HM13: variants seen among roughly 807,000 people sequenced by gnomAD.
HM13 encodes the protein signal peptide peptidase.
A neutral mutation model predicts 50.0 loss-of-function variants in HM13; 18 were observed. The observed-to-expected ratio is 0.36, with a 90% CI of 0.25 to 0.53. The LOEUF (loss-of-function observed/expected upper bound fraction) is 0.53. Among genes scored for constraint, HM13 ranks in the 20% least tolerant of loss-of-function variants. The pLI is 0.90. For missense variants in HM13, 393 were observed against 552.4 expected (o/e 0.71, Z 2.89); for synonymous variants, 197 against 232.6 (o/e 0.85, Z 1.39).
rs199737959 is a variant in HM13 at position 31,565,178 on chromosome 20, AAAAG to A, written c.949-1024_949-1021del. Among the ~76,000 whole-genome samples, 667 of 151,166 alleles carry A rather than the reference AAAAG, an allele frequency of 4.4e-3. 7 individuals are homozygous for A. Among genetic ancestry groups the A allele is most frequent in the African/African-American group, 0.015 (610 of 41,058 alleles). On this transcript the variant is annotated intron_variant, in intron 10 of 12. Transcript: ENST00000398174. The stretch of plus-strand genomic sequence containing the variant: ...CAGACTCCATCTCAAAAAAAAAAAA[AAAAG>A]AAAGAAACTCTTTGGGCTGGGCGTG...
chr20:31,549,140 G>A, intron 5 of HM13, 26 bp downstream of exon 5: 2 of 1,613,932 alleles, frequency 1.2e-6, no homozygotes, highest in Non-Finnish European at 1.7e-6. Flanking sequence ...CTGGGCAGAA[G>A]GGGAGGATGG....
At chr20:31,533,086 CCT>C (rs1982908432) in intron 2 of HM13, among the ~76,000 whole-genome samples, 1 of 152,226 alleles carries the variant, frequency 6.6e-6, no homozygotes, top group Admixed American at 6.5e-5. Flanking sequence ...TGGCCTCCCC[CCT>C]GACATCTGGC....
chr20:31,538,522 C>T (rs1192607648), intron 3 of HM13: 1 of 1,395,104 alleles, frequency 7.2e-7, no homozygotes. Flanking sequence ...GATTTGTGAG[C>T]AGTAATGTCA....
In HM13 at chr20:31,549,347, G is replaced by A. The variant is rs368228901; in HGVS notation, c.666+15G>A. ...ATGTCTTCTGGGTGAGTCAGGCAGG[G>A]ATGCCAAGGATGTCTGGCTCCGGGG... On this transcript the variant is annotated intron_variant, in intron 6 of 12. Coordinates refer to ENST00000398174, the MANE Select transcript of HM13 (RefSeq NM_178581.3). The A allele has an allele frequency of 1.1e-4, 183 of 1,614,014 alleles. No homozygotes were observed. Among genetic ancestry groups the A allele is most frequent in the Middle Eastern group, 9.9e-4 (6 of 6,062 alleles).
chr20:31,538,512 G>C, intron 3 of HM13: 1 of 1,401,402 alleles, frequency 7.1e-7, no homozygotes, highest in Non-Finnish European at 9.3e-7. Context: ...TTGGGAAAGT[G>C]ATTTGTGAGC....
intron 1 of HM13, among the ~76,000 whole-genome samples, chr20:31,516,490 T>C (rs1981790081): frequency 6.6e-6 from 1 of 151,916 alleles, no homozygotes; most frequent in African/African-American, 2.4e-5. Context: ...TGCTACAAGG[T>C]TTAGGGAGAA....
intron 7 of HM13, among the ~76,000 whole-genome samples, chr20:31,551,759 CAG>C (rs950576508): frequency 3.9e-5 from 6 of 152,170 alleles, no homozygotes; most frequent in African/African-American, 1.2e-4. Flanking sequence ...AGATTCCACT[CAG>C]GGGATCAAGA....
chr20:31,534,635 T>C lies in HM13; in HGVS notation c.283-3544T>C, dbSNP rs780391324. On this transcript the variant is annotated intron_variant, in intron 2 of 12. Coordinates refer to ENST00000398174, the MANE Select transcript of HM13 (RefSeq NM_178581.3). ...CTGTCTCTACAAAAAATACAAAAAT[T>C]AGCCAGGCGTGGTGGCACACACCTG... 2.0e-4 allele frequency among the ~76,000 whole-genome samples: 31 copies of C among 151,878 alleles called. 1 individual carries two copies. Among genetic ancestry groups the C allele is most frequent in the Non-Finnish European group, 3.2e-4 (22 of 67,960 alleles).
rs1266946261 is a variant in HM13 at position 31,569,282 on chromosome 20, C to T, written c.*63C>T. ...CAGATGGGGGCTGGGCCCACACAGG[C>T]GTGCACCGGTAGAGGGCACAGGAGG... is the stretch of plus-strand genomic sequence containing the variant. On this transcript the variant is annotated 3_prime_UTR_variant, in exon 13 of 13. Transcript: ENST00000398174. The T allele has an allele frequency of 1.9e-5, 22 of 1,185,016 alleles. No homozygotes were observed. Among genetic ancestry groups the T allele is most frequent in the Non-Finnish European group, 2.3e-5 (19 of 818,472 alleles). 73.4% of individuals were successfully genotyped at this position (1,185,016 alleles called of 1,614,324 possible).
chr20:31,544,923 G>A (rs375434703), intron 3 of HM13, 24 bp from the exon 4 acceptor site: 97 of 1,608,752 alleles, frequency 6.0e-5, no homozygotes, highest in Middle Eastern at 5.0e-4. Context: ...TCTGTTTGCC[G>A]ACTTGCTTTG....
At chr20:31,547,163 C>A (rs1983769614) in intron 4 of HM13, among the ~76,000 whole-genome samples, 2 of 152,206 alleles carry the variant, frequency 1.3e-5, no homozygotes, top group Admixed American at 1.3e-4. Flanking sequence ...ACTAACTCAT[C>A]AGGGTGCGCA....
At chr20:31,557,024 A>C (rs1984347998) in intron 8 of HM13, among the ~76,000 whole-genome samples, 1 of 151,842 alleles carries the variant, frequency 6.6e-6, no homozygotes, top group Admixed American at 6.6e-5. Flanking sequence ...ATCTCAAAAA[A>C]AAAAAAAAAA....
At chr20:31,554,190 A>G (rs1984173951) in intron 7 of HM13, among the ~76,000 whole-genome samples, 1 of 151,862 alleles carries the variant, frequency 6.6e-6, no homozygotes, top group Admixed American at 6.6e-5. Context: ...ATACAACAAG[A>G]ATGGGGGGTT....
At chr20:31,554,426 T>C (rs952573964) in intron 7 of HM13, among the ~76,000 whole-genome samples, 1 of 151,468 alleles carries the variant, frequency 6.6e-6, no homozygotes. Context: ...CTCACGCCTG[T>C]AACTCCAGCA....
At chr20:31,531,233 C>T (rs748693297) in intron 2 of HM13, among the ~76,000 whole-genome samples, 8 of 151,806 alleles carry the variant, frequency 5.3e-5, no homozygotes, top group East Asian at 3.9e-4. Flanking sequence ...TTAGTAGAGA[C>T]GGGGTTTCAC....
In HM13 at chr20:31,556,212, A is replaced by G. The variant is rs1460259372; in HGVS notation, c.808+1383A>G. On this transcript the variant is annotated intron_variant, in intron 8 of 12. Transcript: ENST00000398174. Reference sequence around the variant, plus strand: ...CACCACCACGCCCGGCTGATTTTGTATATTTAGTAGAGATGGAGTTTCTTC... The same window carrying G: ...CACCACCACGCCCGGCTGATTTTGTGTATTTAGTAGAGATGGAGTTTCTTC... Among the ~76,000 whole-genome samples the G allele has an allele frequency of 4.6e-5, 7 of 151,460 alleles. No homozygotes were observed. In the South Asian group the frequency reaches 1.3e-3, roughly 27 times the overall value.
At chr20:31,567,917 C>T in intron 11 of HM13, 161 bp from the exon 12 acceptor site, 1 of 648,244 alleles carries the variant, frequency 1.5e-6, no homozygotes. Flanking sequence ...TTTTTTCATT[C>T]TCCAAATAAT....
chr20:31,566,502 G>A (rs528579882), intron 11 of HM13, among the ~76,000 whole-genome samples: 2 of 152,204 alleles, frequency 1.3e-5, no homozygotes, highest in East Asian at 1.9e-4. Context: ...CCAGGGGAGC[G>A]CAAGGCATCA....
intron 7 of HM13, among the ~76,000 whole-genome samples, chr20:31,551,376 G>A (rs1026160465): frequency 6.6e-6 from 1 of 152,124 alleles, no homozygotes; most frequent in Non-Finnish European, 1.5e-5. Context: ...GGCTGCCACA[G>A]CTCCCAGCAC....
Sources: gnomAD v4.1 joint callset for allele counts (sites outside exome capture counted in the v4.1 genomes callset) on GRCh38, gnomAD v4.1.1 for gene constraint, MANE v1.5 for transcripts, NCBI Gene and HGNC (gene_info 2026-07-23, HGNC 2026-07-21) for gene names.